The following GRIN1 variants were observed in gnomAD, a reference collection of about 807,000 sequenced individuals.
The protein encoded by GRIN1 is glutamate receptor ionotropic, NMDA 1.
Under a neutral mutation model 103.0 loss-of-function variants are expected in GRIN1, and 38 were observed. The observed-to-expected ratio is 0.37, with a 90% CI of 0.28 to 0.48. The LOEUF (loss-of-function observed/expected upper bound fraction) is 0.48. Ranked by LOEUF, GRIN1 falls within the 20% of genes least tolerant of loss-of-function variation. The pLI is 0.98. For missense variants in GRIN1, 577 were observed against 1,288.9 expected, an observed-to-expected ratio of 0.45 and a Z score of 8.46; for synonymous variants, 544 against 532.7, an observed-to-expected ratio of 1.02 and a Z score of -0.29.
At chr9:137,149,622 C>T (rs573965368) in intron 4 of GRIN1, among the ~76,000 whole-genome samples, 5 of 152,340 alleles carry the variant, frequency 3.3e-5, no homozygotes, top group African/African-American at 9.6e-5. Context: ...TGGACAGGTC[C>T]GGTGCCACAG....
chr9:137,144,038 A>T (rs760721660), intron 2 of GRIN1, among the ~76,000 whole-genome samples: 3 of 152,200 alleles, frequency 2.0e-5, no homozygotes, highest in Non-Finnish European at 2.9e-5. Context: ...TTCTTCATAC[A>T]TAGAGTTGTT....
intron 19 of GRIN1, among the ~76,000 whole-genome samples, chr9:137,166,393 A>C (rs1440902330): frequency 2.6e-5 from 4 of 152,238 alleles, no homozygotes; most frequent in Non-Finnish European, 5.9e-5. Flanking sequence ...CGGAGACCTC[A>C]GCCCCGTGGC....
At position 137,145,376 on chromosome 9, in the gene GRIN1, G is replaced by A. The variant is rs577574567; in HGVS notation, c.394-350G>A. 5.3e-3 allele frequency among the ~76,000 whole-genome samples: 684 copies of A among 129,828 alleles called. 22 individuals carry two copies. Among genetic ancestry groups the A allele is most frequent in the African/African-American group, 0.021 (632 of 30,104 alleles). 85.2% of individuals were successfully genotyped at this position (129,828 alleles called of 152,430 possible). On this transcript the variant is annotated intron_variant, in intron 2 of 19. Transcript: ENST00000371561. The stretch of plus-strand genomic sequence containing the variant: ...TGTCCCCAGGGTGGTAGGGACAGGG[G>A]TGGGAGACACGAGGGGGTCCCAGGG...
chr9:137,151,005 T>G, intron 4 of GRIN1, among the ~76,000 whole-genome samples: 1 of 31,396 alleles, frequency 3.2e-5, no homozygotes, highest in Non-Finnish European at 5.9e-5. Context: ...CAGGGAAAAC[T>G]CTGCCCAGAT....
In GRIN1 at chr9:137,168,386, A is replaced by G; in HGVS notation, c.*859A>G. On this transcript the variant is annotated 3_prime_UTR_variant, in exon 20 of 20. Coordinates refer to ENST00000371561, the MANE Select transcript of GRIN1 (RefSeq NM_007327.4). ...GGCCGTCCCTGACTTCCCAGCTGGCAGCGCCTCCCGCCGCCTCGGGCCGCC... is the reference window on the plus strand; with the variant it reads ...GGCCGTCCCTGACTTCCCAGCTGGCGGCGCCTCCCGCCGCCTCGGGCCGCC... 5.4e-6 allele frequency: 1 copy of G among 185,198 alleles called. No individual in the cohort carries two copies. The highest frequency in any genetic ancestry group is 1.1e-5 in the Non-Finnish European group (1 of 91,166). 11.5% of individuals were successfully genotyped at this position (185,198 alleles called of 1,614,324 possible). A position where few individuals can be genotyped will look rare whatever the true frequency, so the allele number is the denominator to read the frequency against.
At chr9:137,164,275 C>T (rs1564365877) in intron 18 of GRIN1, 2 of 358,080 alleles carry the variant, frequency 5.6e-6, no homozygotes, top group South Asian at 2.3e-5. Context: ...TGCCCTCCGC[C>T]GACCCAAGCC....
At chr9:137,162,362 CCTCTCCCGCCCT>C (rs1248538363) in intron 12 of GRIN1, 30 bp from the exon 13 acceptor site, 9 of 1,540,318 alleles carry the variant, frequency 5.8e-6, no homozygotes, top group Non-Finnish European at 7.9e-6. Context: ...GGCAGGGCCG[CCTCTCCCGCCCT>C]CTCTCCCGCC....
At chr9:137,147,693 C>T (rs901893308) in intron 3 of GRIN1, among the ~76,000 whole-genome samples, 7 of 152,222 alleles carry the variant, frequency 4.6e-5, no homozygotes, top group African/African-American at 1.4e-4. Context: ...GTGAGGATAC[C>T]TCGGTCTCTT....
intron 4 of GRIN1, 106 bp downstream of exon 4, chr9:137,149,215 C>T: frequency 1.2e-6 from 1 of 814,068 alleles, no homozygotes; most frequent in Non-Finnish European, 2.1e-6. Flanking sequence ...TGACCTTCAG[C>T]TTCCAAAGCA....
At position 137,156,649 on chromosome 9, in the gene GRIN1, C is replaced by A; in HGVS notation, c.672-20C>A. On this transcript the variant is annotated intron_variant, in intron 4 of 19. Coordinates refer to ENST00000371561, the MANE Select transcript of GRIN1 (RefSeq NM_007327.4). ...TGGGAGTGCTGGAGTCCTGGCCCGT[C>A]ATCCCCGTCTGCCCCACAGCGAGGA... 1 of 1,598,144 alleles carries A rather than the reference C, an allele frequency of 6.3e-7. No homozygotes were observed. Among genetic ancestry groups the A allele is most frequent in the South Asian group, 1.1e-5 (1 of 88,596 alleles).
At chr9:137,157,644 C>T (rs1833308323) in intron 6 of GRIN1, among the ~76,000 whole-genome samples, 1 of 152,210 alleles carries the variant, frequency 6.6e-6, no homozygotes, top group South Asian at 2.1e-4. Context: ...GGCCCAGAGA[C>T]CCAAGTGAAC....
At chr9:137,164,890 C>T (rs943733835) in intron 18 of GRIN1, 31 of 437,518 alleles carry the variant, frequency 7.1e-5, no homozygotes, top group South Asian at 1.5e-4. Flanking sequence ...CTCCTCGGGA[C>T]GCCTGTAAGC....
At chr9:137,149,450 G>T (rs1272327299) in intron 4 of GRIN1, among the ~76,000 whole-genome samples, 1 of 152,216 alleles carries the variant, frequency 6.6e-6, no homozygotes, top group Non-Finnish European at 1.5e-5. Flanking sequence ...ACAAGGCCCA[G>T]GCCTGGGGCC....
intron 8 of GRIN1, among the ~76,000 whole-genome samples, chr9:137,159,485 G>A (rs1833413775): frequency 6.6e-6 from 1 of 152,156 alleles, no homozygotes; most frequent in Non-Finnish European, 1.5e-5. Flanking sequence ...CGGCCCCTGT[G>A]GCCTCTCACC....
At chr9:137,154,432 CTTTT>C (rs543160973) in intron 4 of GRIN1, among the ~76,000 whole-genome samples, 2 of 42,958 alleles carry the variant, frequency 4.7e-5, no homozygotes, top group African/African-American at 9.4e-5. Context: ...GCTCCAACAA[CTTTT>C]TTTTTTTTTT....
At chr9:137,156,640 C>G (rs1286299927) in intron 4 of GRIN1, 29 bp from the exon 5 acceptor site, 1 of 1,595,076 alleles carries the variant, frequency 6.3e-7, no homozygotes. Context: ...TGCTGGAGTC[C>G]TGGCCCGTCA....
intron 3 of GRIN1, among the ~76,000 whole-genome samples, chr9:137,147,276 G>A (rs953331020): frequency 6.6e-6 from 1 of 151,602 alleles, no homozygotes; most frequent in African/African-American, 2.4e-5. Flanking sequence ...CACGTACTCA[G>A]GTGCGCTCCT....
chr9:137,152,118 G>T (rs1215224373), intron 4 of GRIN1, among the ~76,000 whole-genome samples: 1 of 152,168 alleles, frequency 6.6e-6, no homozygotes, highest in African/African-American at 2.4e-5. Flanking sequence ...ATGTCAGCCA[G>T]GATGGCCTCA....
intron 19 of GRIN1, chr9:137,165,535 C>T (rs1833825341): frequency 7.1e-6 from 4 of 560,144 alleles, no homozygotes; most frequent in Non-Finnish European, 1.3e-5. Context: ...TCTGCCCGCC[C>T]ACCTCCCCTG....
Sources: gnomAD v4.1 joint callset for allele counts (sites outside exome capture counted in the v4.1 genomes callset) on GRCh38, gnomAD v4.1.1 for gene constraint, MANE v1.5 for transcripts, NCBI Gene and HGNC (gene_info 2026-07-23, HGNC 2026-07-21) for gene names.